Variants in CSMD1 observed in about 807,000 individuals in gnomAD.
The protein encoded by CSMD1 is CUB and sushi domain-containing protein 1.
Under a neutral mutation model 417.5 loss-of-function variants are expected in CSMD1, and 213 were observed. The ratio of observed to expected loss-of-function variants is 0.51; its 90% CI spans 0.46 to 0.57. The LOEUF is 0.57. Ranked by LOEUF, CSMD1 falls within the 20% of genes least tolerant of loss-of-function variation. The pLI is 0.00. For synonymous variants in CSMD1, 2,862 were observed against 1,736.8 expected (o/e 1.65, Z -16.11); for missense variants, 6,923 against 4,529.7 (o/e 1.53, Z -15.17).
intron 3 of CSMD1, among the ~76,000 whole-genome samples, chr8:4,338,163 T>C (rs1800278816): frequency 6.6e-6 from 1 of 152,136 alleles, no homozygotes; most frequent in African/African-American, 2.4e-5. Context: ...AGTAGAGAAT[T>C]ACAAAAATAT....
At chr8:3,428,208 G>A (rs1383723488) in intron 12 of CSMD1, among the ~76,000 whole-genome samples, 2 of 151,374 alleles carry the variant, frequency 1.3e-5, no homozygotes, top group Non-Finnish European at 2.9e-5. Flanking sequence ...GAGCTACGTA[G>A]AATGAATTTC....
chr8:4,685,503 G>C (rs963184944), intron 1 of CSMD1, among the ~76,000 whole-genome samples: 1 of 152,018 alleles, frequency 6.6e-6, no homozygotes, highest in Non-Finnish European at 1.5e-5. Context: ...TAGAACTCAG[G>C]AGGCGGAGGT....
chr8:3,823,823 A>G (rs1027211145), intron 5 of CSMD1, among the ~76,000 whole-genome samples: 1 of 152,162 alleles, frequency 6.6e-6, no homozygotes, highest in African/African-American at 2.4e-5. Flanking sequence ...CTTGATCATA[A>G]AGATGGTAAT....
At chr8:4,843,953 C>T (rs535658211) in intron 1 of CSMD1, among the ~76,000 whole-genome samples, 21 of 152,208 alleles carry the variant, frequency 1.4e-4, no homozygotes, top group South Asian at 4.1e-4. Context: ...AAAGCTGTAA[C>T]GGAAAGTGTG....
chr8:3,805,857 C>G (rs768645542), intron 5 of CSMD1, among the ~76,000 whole-genome samples: 3 of 152,072 alleles, frequency 2.0e-5, no homozygotes, highest in Non-Finnish European at 4.4e-5. Flanking sequence ...AATTTCATGC[C>G]TCAGTTTCCC....
chr8:4,045,560 G>T (rs561866457), intron 3 of CSMD1, among the ~76,000 whole-genome samples: 3 of 152,300 alleles, frequency 2.0e-5, no homozygotes, highest in African/African-American at 7.2e-5. Context: ...AGCTCAGAAA[G>T]AGGATGTGCA....
chr8:4,480,030 C>T (rs766928571), intron 2 of CSMD1, among the ~76,000 whole-genome samples: 2 of 151,546 alleles, frequency 1.3e-5, no homozygotes, highest in Non-Finnish European at 2.9e-5. Context: ...CATACTTATC[C>T]TATCATTCTC....
At chr8:4,308,469 G>C (rs906806668) in intron 3 of CSMD1, among the ~76,000 whole-genome samples, 3 of 152,106 alleles carry the variant, frequency 2.0e-5, no homozygotes, top group Non-Finnish European at 2.9e-5. Context: ...GTGATCTTCA[G>C]CGAGGGCCAA....
chr8:3,322,493 G>T (rs1032144774), intron 23 of CSMD1, among the ~76,000 whole-genome samples: 1 of 152,142 alleles, frequency 6.6e-6, no homozygotes, highest in African/African-American at 2.4e-5. Flanking sequence ...TGCCTTAAGG[G>T]TTCTGGAAGT....
intron 11 of CSMD1, among the ~76,000 whole-genome samples, chr8:3,485,526 T>TACAC (rs149963962): frequency 9.5e-5 from 13 of 136,160 alleles, no homozygotes; most frequent in East Asian, 2.1e-4. Context: ...TTCATAACAA[T>TACAC]ACACACACAC....
At chr8:4,507,010 T>C (rs866587340) in intron 2 of CSMD1, among the ~76,000 whole-genome samples, 2 of 152,178 alleles carry the variant, frequency 1.3e-5, no homozygotes, top group Non-Finnish European at 2.9e-5. Flanking sequence ...TAAGAATGCT[T>C]TTCCAGGACA....
intron 7 of CSMD1, among the ~76,000 whole-genome samples, chr8:3,683,955 C>G (rs772592364): frequency 7.9e-5 from 12 of 151,766 alleles, no homozygotes; most frequent in Non-Finnish European, 1.3e-4. Flanking sequence ...ACAATGCACA[C>G]CTTTTGCTTC....
chr8:4,418,229 G>A (rs555876756), intron 3 of CSMD1, among the ~76,000 whole-genome samples: 1 of 151,940 alleles, frequency 6.6e-6, no homozygotes, highest in East Asian at 1.9e-4. Flanking sequence ...TTTCTACATA[G>A]CCACATTAAA....
intron 10 of CSMD1, among the ~76,000 whole-genome samples, chr8:3,522,318 G>A (rs987663147): frequency 2.0e-5 from 3 of 152,150 alleles, no homozygotes; most frequent in African/African-American, 7.2e-5. Context: ...AAGAGGAGAG[G>A]AAATTGTAAA....
At chr8:3,250,425 A>G (rs1237748142) in intron 26 of CSMD1, among the ~76,000 whole-genome samples, 3 of 152,206 alleles carry the variant, frequency 2.0e-5, no homozygotes, top group Non-Finnish European at 4.4e-5. Context: ...TCCATGGTAT[A>G]TATGTGCCAC....
intron 5 of CSMD1, among the ~76,000 whole-genome samples, chr8:3,911,925 CTA>C (rs1237597602): frequency 2.0e-5 from 3 of 152,318 alleles, no homozygotes; most frequent in African/African-American, 7.2e-5. Context: ...GGATTCTCCT[CTA>C]TGTGTTTTCC....
chr8:4,243,578 A>T (rs1802529410), intron 3 of CSMD1, among the ~76,000 whole-genome samples: 1 of 152,206 alleles, frequency 6.6e-6, no homozygotes, highest in African/African-American at 2.4e-5. Context: ...TAAATAAGTT[A>T]TGCAAGGAGA....
chr8:4,064,003 A>C (rs951045396), intron 3 of CSMD1, among the ~76,000 whole-genome samples: 1 of 152,180 alleles, frequency 6.6e-6, no homozygotes, highest in Non-Finnish European at 1.5e-5. Context: ...AAATGAGTGT[A>C]CCTAAAGAAG....
intron 23 of CSMD1, among the ~76,000 whole-genome samples, chr8:3,325,997 G>C (rs1806505155): frequency 6.6e-6 from 1 of 152,102 alleles, no homozygotes; most frequent in Non-Finnish European, 1.5e-5. Flanking sequence ...GGAAAAGCTG[G>C]TCCTAGACTG....
Sources: allele counts gnomAD v4.1 joint callset (sites outside exome capture counted in the v4.1 genomes callset), GRCh38; gene constraint gnomAD v4.1.1; transcripts MANE v1.5; gene names NCBI Gene and HGNC (gene_info 2026-07-23, HGNC 2026-07-21).